The following GALK2 variants were observed in gnomAD, a reference collection of about 807,000 sequenced individuals.
GALK2 encodes N-acetylgalactosamine kinase.
In GALK2, 36 loss-of-function variants were observed where a neutral mutation model predicts 52.4. The observed-to-expected ratio is 0.69, with a 90% confidence interval of 0.53 to 0.91. The LOEUF (loss-of-function observed/expected upper bound fraction) is 0.91. GALK2 is among the 40% of genes least tolerant of loss of function. GALK2 has a pLI of 0.00. For synonymous variants in GALK2, 176 were observed against 199.1 expected (o/e 0.88, Z 0.98); for missense variants, 579 against 559.1 (o/e 1.04, Z -0.36).
At chr15:49,210,973 TCACA>T (rs3075099) in intron 2 of GALK2, among the ~76,000 whole-genome samples, 46,764 of 146,464 alleles carry the variant, frequency 0.32, 7,932 homozygotes, top group East Asian at 0.57. Flanking sequence ...ACACACACAC[TCACA>T]CACACACACA....
intron 8 of GALK2, among the ~76,000 whole-genome samples, chr15:49,302,181 A>G (rs1441596896): frequency 1.3e-5 from 2 of 152,182 alleles, no homozygotes; most frequent in African/African-American, 2.4e-5. Context: ...ATCTTGGCAC[A>G]CTTATAAGCT....
intron 3 of GALK2, among the ~76,000 whole-genome samples, chr15:49,234,835 C>G (rs1388653606): frequency 6.6e-6 from 1 of 151,808 alleles, no homozygotes; most frequent in African/African-American, 2.4e-5. Flanking sequence ...GGCACGATCT[C>G]AGCTCACTGC....
chr15:49,252,190 C>T lies in GALK2; in HGVS notation c.504+12823C>T, dbSNP rs556720444. On this transcript the variant is annotated intron_variant, in intron 5 of 9. Coordinates refer to ENST00000560031, the MANE Select transcript of GALK2 (RefSeq NM_002044.4). ...CTGAGGCAGGAGGATTGCTTGAACC[C>T]GGGAGGCAGAGGTTGCAGTGAGGCG... Among the ~76,000 whole-genome samples, 12 of 152,130 alleles carry T rather than the reference C, an allele frequency of 7.9e-5. No individual in the cohort carries two copies. The East Asian group carries it at 1.4e-3, about 17-fold the overall frequency.
chr15:49,295,348 G>T lies in GALK2; in HGVS notation c.967+2811G>T, dbSNP rs543192768. 1.7e-4 allele frequency among the ~76,000 whole-genome samples: 22 copies of T among 132,356 alleles called. 1 individual carries two copies. The highest frequency in any genetic ancestry group is 1.2e-3 in the East Asian group (5 of 4,226). The allele number at this position is 132,356 out of a possible 152,430, so 86.8% of individuals were successfully genotyped here. On this transcript the variant is annotated intron_variant, in intron 8 of 9. Transcript: ENST00000560031. Reference sequence around the variant, plus strand: ...CTCTCTCTATCTATATATATATATAGATAGATAGATAGATTCATCTATCTA... The same window carrying T: ...CTCTCTCTATCTATATATATATATATATAGATAGATAGATTCATCTATCTA...
At chr15:49,238,059 G>A (rs553253436) in intron 4 of GALK2, among the ~76,000 whole-genome samples, 1 of 152,016 alleles carries the variant, frequency 6.6e-6, no homozygotes, top group African/African-American at 2.4e-5. Context: ...TAAGGAAAAA[G>A]GTCTTTTATT....
At chr15:49,169,510 G>A (rs931332178), upstream of GALK2, among the ~76,000 whole-genome samples, 2 of 152,136 alleles carry the variant, frequency 1.3e-5, no homozygotes, top group African/African-American at 4.8e-5. Flanking sequence ...TAGTGGTAGT[G>A]ATGATGGAGG....
At chr15:49,267,533 T>C (rs2092401013) in intron 5 of GALK2, among the ~76,000 whole-genome samples, 4 of 152,328 alleles carry the variant, frequency 2.6e-5, no homozygotes, top group Admixed American at 6.5e-5. Flanking sequence ...CCTTCAATAA[T>C]GGCAGCAGTG....
intron 1 of GALK2, among the ~76,000 whole-genome samples, chr15:49,171,335 G>C (rs1484065847): frequency 1.3e-5 from 2 of 152,066 alleles, no homozygotes; most frequent in Non-Finnish European, 2.9e-5. Context: ...GCTCACCCTG[G>C]CCTCCCAAAG....
At chr15:49,281,634 G>T (rs867293643) in intron 5 of GALK2, among the ~76,000 whole-genome samples, 1 of 152,146 alleles carries the variant, frequency 6.6e-6, no homozygotes, top group Non-Finnish European at 1.5e-5. Flanking sequence ...AGGAAGCTGA[G>T]GCAAAAATGA....
chr15:49,236,804 C>T (rs551057431), intron 4 of GALK2, among the ~76,000 whole-genome samples: 44 of 152,198 alleles, frequency 2.9e-4, no homozygotes, highest in Non-Finnish European at 5.3e-4. Context: ...GCCTGGCAGT[C>T]CTATCTGAAA....
At chr15:49,243,951 T>C (rs2091221977) in intron 5 of GALK2, among the ~76,000 whole-genome samples, 1 of 151,648 alleles carries the variant, frequency 6.6e-6, no homozygotes, top group Admixed American at 6.6e-5. Flanking sequence ...AGTGAGACCT[T>C]GTCTCAAAAA....
chr15:49,351,527 T>C (rs1210762643), intron 3 of GALK2, among the ~76,000 whole-genome samples: 1 of 152,254 alleles, frequency 6.6e-6, no homozygotes. Flanking sequence ...AGAAAAGTAG[T>C]GAGCAATCAA....
intron 1 of GALK2, among the ~76,000 whole-genome samples, chr15:49,189,211 T>G (rs1325651138): frequency 6.6e-6 from 1 of 152,226 alleles, no homozygotes. Flanking sequence ...CTTCCATAAA[T>G]TTTATTTAAC....
In GALK2 at chr15:49,213,989, G is replaced by A. The variant is rs1266983192; in HGVS notation, c.143-3201G>A. ...AAAAGATTTAGCTGGGCATGGTGGC[G>A]GGTGCCTGTAGTCCCAGCTACTCAG... On this transcript the variant is annotated intron_variant, in intron 2 of 9. Transcript: ENST00000560031. 2.6e-5 allele frequency among the ~76,000 whole-genome samples: 4 copies of A among 151,874 alleles called. No individual in the cohort carries two copies. The South Asian group carries it at 6.2e-4, about 24-fold the overall frequency.
intron 8 of GALK2, among the ~76,000 whole-genome samples, chr15:49,301,372 C>A (rs1241504978): frequency 1.3e-5 from 2 of 152,094 alleles, no homozygotes; most frequent in African/African-American, 2.4e-5. Flanking sequence ...ATTTGCCAGG[C>A]CTTACCCACA....
chr15:49,163,258 G>A (rs563572727), intron 1 of GALK2, among the ~76,000 whole-genome samples: 4 of 152,210 alleles, frequency 2.6e-5, no homozygotes, highest in African/African-American at 9.6e-5. Flanking sequence ...CATTTTTTGT[G>A]TGCTTATTTG....
chr15:49,352,683 A>G (rs1286964195), intron 3 of GALK2, among the ~76,000 whole-genome samples: 1 of 152,176 alleles, frequency 6.6e-6, no homozygotes, highest in Non-Finnish European at 1.5e-5. Flanking sequence ...CCTTTTCCCT[A>G]AAGATAAGAC....
chr15:49,243,847 G>A (rs568906982), intron 5 of GALK2, among the ~76,000 whole-genome samples: 1 of 152,098 alleles, frequency 6.6e-6, no homozygotes, highest in South Asian at 2.1e-4. Flanking sequence ...AAACAGCTGG[G>A]CATGGTGGCT....
At chr15:49,182,363 G>A (rs1008015250) in intron 1 of GALK2, among the ~76,000 whole-genome samples, 23 of 152,178 alleles carry the variant, frequency 1.5e-4, no homozygotes, top group African/African-American at 5.5e-4. Flanking sequence ...TCCATTGTGT[G>A]TATATGCCAC....
Sources: gnomAD v4.1 joint callset for allele counts (sites outside exome capture counted in the v4.1 genomes callset) on GRCh38, gnomAD v4.1.1 for gene constraint, MANE v1.5 for transcripts, NCBI Gene and HGNC (gene_info 2026-07-23, HGNC 2026-07-21) for gene names.